The following CDH4 variants were observed in gnomAD, a reference collection of about 807,000 sequenced individuals.
The protein encoded by CDH4 is cadherin 4.
CDH4 carries 33 observed loss-of-function variants against 86.0 expected under a neutral mutation model. That is an observed-to-expected ratio of 0.38 (90% CI 0.29 to 0.51). The LOEUF (loss-of-function observed/expected upper bound fraction) is 0.51. Ranked by LOEUF, CDH4 falls within the 20% of genes least tolerant of loss-of-function variation. CDH4 has a pLI of 0.86. For missense variants in CDH4, 1,114 were observed against 1,307.4 expected (o/e 0.85, Z 2.28); for synonymous variants, 555 against 549.4 (o/e 1.01, Z -0.14).
chr20:61,366,954 A>C (rs1339435068), intron 2 of CDH4, among the ~76,000 whole-genome samples: 1 of 151,962 alleles, frequency 6.6e-6, no homozygotes, highest in African/African-American at 2.4e-5. Context: ...GGACAACTGG[A>C]GCTTGGGCCC....
intron 2 of CDH4, among the ~76,000 whole-genome samples, chr20:61,328,971 G>T (rs2084553119): frequency 6.6e-6 from 1 of 152,286 alleles, no homozygotes; most frequent in South Asian, 2.1e-4. Flanking sequence ...CACCTCACAT[G>T]CTGAGCATCA....
At chr20:61,687,357 C>T (rs6061741) in intron 2 of CDH4, among the ~76,000 whole-genome samples, 24,056 of 152,092 alleles carry the variant, frequency 0.16, 2,278 homozygotes, top group East Asian at 0.37. Context: ...TGTCAGTGAC[C>T]GTCTGTACTC....
intron 2 of CDH4, among the ~76,000 whole-genome samples, chr20:61,627,233 C>T (rs937288478): frequency 1.3e-5 from 2 of 152,168 alleles, no homozygotes; most frequent in Non-Finnish European, 2.9e-5. Context: ...GTGAGCAAAC[C>T]AGGGAACCGT....
At chr20:61,803,903 G>A (rs931849225) in intron 4 of CDH4, among the ~76,000 whole-genome samples, 9 of 152,272 alleles carry the variant, frequency 5.9e-5, no homozygotes, top group East Asian at 1.9e-4. Context: ...GCGTGAGGCC[G>A]GCCCCCGCTG....
chr20:61,306,600 G>A (rs903355417), intron 2 of CDH4, among the ~76,000 whole-genome samples: 1 of 152,174 alleles, frequency 6.6e-6, no homozygotes, highest in African/African-American at 2.4e-5. Flanking sequence ...CTCCCAAAGT[G>A]CTGGGATTAC....
At chr20:61,358,821 A>G (rs117398309) in intron 2 of CDH4, among the ~76,000 whole-genome samples, 1 of 92,918 alleles carries the variant, frequency 1.1e-5, no homozygotes, top group African/African-American at 2.9e-5. Context: ...AGGAGAGGAG[A>G]CCTGCATGAG....
chr20:61,624,295 GT>G (rs1399447045), intron 2 of CDH4, among the ~76,000 whole-genome samples: 1 of 152,226 alleles, frequency 6.6e-6, no homozygotes, highest in Non-Finnish European at 1.5e-5. Context: ...ACAATTTACT[GT>G]TCTTTCCCAC....
At chr20:61,432,854 T>C (rs2085255644) in intron 2 of CDH4, among the ~76,000 whole-genome samples, 1 of 149,892 alleles carries the variant, frequency 6.7e-6, no homozygotes, top group African/African-American at 2.5e-5. Context: ...TTTTTTTTTT[T>C]TGGAGACAGA....
At chr20:61,591,591 G>C (rs1215472503) in intron 2 of CDH4, among the ~76,000 whole-genome samples, 1 of 152,158 alleles carries the variant, frequency 6.6e-6, no homozygotes, top group South Asian at 2.1e-4. Context: ...GTTATTCTTC[G>C]ATGTTACTTC....
At chr20:61,759,136 C>A (rs2088602392) in intron 3 of CDH4, among the ~76,000 whole-genome samples, 1 of 152,046 alleles carries the variant, frequency 6.6e-6, no homozygotes, top group Non-Finnish European at 1.5e-5. Flanking sequence ...GTTCAGAGCC[C>A]CCCAAGCAGA....
intron 2 of CDH4, among the ~76,000 whole-genome samples, chr20:61,287,902 A>C (rs2427030): frequency 0.24 from 36,111 of 152,090 alleles, 4,390 homozygotes; most frequent in Middle Eastern, 0.27. Flanking sequence ...TCCGGGTGGC[A>C]CTGTGGCATT....
intron 4 of CDH4, among the ~76,000 whole-genome samples, chr20:61,818,329 C>A (rs1186580318): frequency 1.3e-5 from 2 of 152,214 alleles, no homozygotes; most frequent in African/African-American, 4.8e-5. Flanking sequence ...AGGCCTGATT[C>A]TGGGCTTTAC....
intron 2 of CDH4, among the ~76,000 whole-genome samples, chr20:61,526,166 G>T (rs1372282955): frequency 6.6e-6 from 1 of 150,474 alleles, no homozygotes; most frequent in Non-Finnish European, 1.5e-5. Context: ...TCCTGCTGGT[G>T]CCCCTCCCCC....
intron 4 of CDH4, among the ~76,000 whole-genome samples, chr20:61,842,903 C>G (rs1185962857): frequency 6.6e-6 from 1 of 152,164 alleles, no homozygotes; most frequent in Non-Finnish European, 1.5e-5. Context: ...CTGGGCTTCA[C>G]TGTATAACAG....
chr20:61,631,064 AGAG>A (rs570173495), intron 2 of CDH4, among the ~76,000 whole-genome samples: 8 of 152,372 alleles, frequency 5.3e-5, no homozygotes, highest in African/African-American at 1.9e-4. Flanking sequence ...GTGTGAGGAC[AGAG>A]GAGAAGTCCA....
chr20:61,706,835 C>T (rs111583520), intron 2 of CDH4, among the ~76,000 whole-genome samples: 7 of 152,314 alleles, frequency 4.6e-5, no homozygotes, highest in African/African-American at 1.4e-4. Flanking sequence ...CGTCAGCATC[C>T]GACCTCCACA....
At chr20:61,637,697 T>A (rs1324623399) in intron 2 of CDH4, among the ~76,000 whole-genome samples, 1 of 152,234 alleles carries the variant, frequency 6.6e-6, no homozygotes, top group African/African-American at 2.4e-5. Flanking sequence ...TCTTCTAGCA[T>A]AAAGCATCTG....
intron 2 of CDH4, among the ~76,000 whole-genome samples, chr20:61,670,905 A>T (rs764351271): frequency 6.6e-6 from 1 of 152,186 alleles, no homozygotes; most frequent in African/African-American, 2.4e-5. Flanking sequence ...TCTCCACAAA[A>T]GGAAGGGCCC....
At chr20:61,695,264 C>T (rs2087703920) in intron 2 of CDH4, among the ~76,000 whole-genome samples, 1 of 152,280 alleles carries the variant, frequency 6.6e-6, no homozygotes, top group Non-Finnish European at 1.5e-5. Context: ...CCGGAGGTTA[C>T]AGGCCAGTTG....
Sources: gnomAD v4.1 joint callset for allele counts (sites outside exome capture counted in the v4.1 genomes callset) on GRCh38, gnomAD v4.1.1 for gene constraint, MANE v1.5 for transcripts, NCBI Gene and HGNC (gene_info 2026-07-23, HGNC 2026-07-21) for gene names.